SLC5A4: variants seen among roughly 807,000 people sequenced by gnomAD.
SLC5A4 encodes solute carrier family 5 member 4.
A neutral mutation model predicts 70.3 loss-of-function variants in SLC5A4; 55 were observed. The ratio of observed to expected loss-of-function variants is 0.78; its 90% CI spans 0.63 to 0.98. The LOEUF is 0.98. Among genes scored for constraint, SLC5A4 ranks in the 50% least tolerant of loss-of-function variants. The pLI is 0.00. For missense variants in SLC5A4, 735 were observed against 839.2 expected, an observed-to-expected ratio of 0.88 and a Z score of 1.53; for synonymous variants, 268 against 305.7, an observed-to-expected ratio of 0.88 and a Z score of 1.29.
Position 32,229,321 on chromosome 22 carries a change from C to T in SLC5A4, c.1153G>A (p.Val385Ile). Residue 385 changes from valine (V) to isoleucine (I), a missense_variant, in exon 11 of 15, where the codon GTC becomes ATC. Coordinates refer to ENST00000266086, the MANE Select transcript of SLC5A4 (RefSeq NM_014227.3). ...GAGCTCATGAGAGAGGCCAGCATGA[C>T]CGAAAGCATCAGGCCTCGCAGTCCT... Reference protein sequence around the residue: ...PQGLRGLMLSVMLASLMSSLT... With the variant: ...PQGLRGLMLSIMLASLMSSLT... 6.2e-7 allele frequency: 1 copy of T among 1,614,124 alleles called. No homozygotes were observed. The highest frequency in any genetic ancestry group is 8.5e-7 in the Non-Finnish European group (1 of 1,179,992).
chr22:32,255,880 C>T (rs1927456494), upstream of SLC5A4, among the ~76,000 whole-genome samples: 1 of 152,136 alleles, frequency 6.6e-6, no homozygotes. Flanking sequence ...AGTGGCTCTT[C>T]AAGCACCATA....
At chr22:32,317,219 A>G in the SLC5A4 span, among the ~76,000 whole-genome samples, 1 of 152,150 alleles carries the variant, frequency 6.6e-6, no homozygotes, top group Non-Finnish European at 1.5e-5. Flanking sequence ...TATCTAGACT[A>G]TAACAAAATA....
intron 12 of SLC5A4, among the ~76,000 whole-genome samples, chr22:32,224,925 C>A (rs1482907390): frequency 6.6e-6 from 1 of 152,116 alleles, no homozygotes; most frequent in African/African-American, 2.4e-5. Context: ...GGGGTGGAAA[C>A]ATGTGTCTGT....
chr22:32,291,876 ATCTT>A, the SLC5A4 span, among the ~76,000 whole-genome samples: 1 of 39,512 alleles, frequency 2.5e-5, no homozygotes, highest in Non-Finnish European at 5.5e-5. Flanking sequence ...TTTCTTTTCT[ATCTT>A]TTTTTTTTTG....
chr22:32,264,875 A>G, the SLC5A4 span, among the ~76,000 whole-genome samples: 1 of 152,172 alleles, frequency 6.6e-6, no homozygotes, highest in East Asian at 1.9e-4. Flanking sequence ...GCACGTTTAT[A>G]GTCTGTTGAA....
rs764507008 is a variant in SLC5A4 at position 32,221,011 on chromosome 22, C to T, written c.1677G>A (p.Leu559=). 1.2e-6 allele frequency: 2 copies of T among 1,612,748 alleles called. No homozygotes were observed. Among genetic ancestry groups the T allele is most frequent in the Non-Finnish European group, 1.7e-6 (2 of 1,178,780 alleles). Reference sequence around the variant, plus strand: ...CTGTACTGTTCCGAAGAACCCAGCACAGGCGGTACAGCTGAACAGGGACCA... The same window carrying T: ...CTGTACTGTTCCGAAGAACCCAGCATAGGCGGTACAGCTGAACAGGGACCA... ...KPIPDVHLYR[L]CWVLRNSTEE... is the part of the protein sequence containing the mutation. Residue 559 remains leucine (L), a synonymous_variant, in exon 14 of 15, where the codon CTG becomes CTA. Transcript: ENST00000266086.
the SLC5A4 span, among the ~76,000 whole-genome samples, chr22:32,288,017 C>CTTT: frequency 1.0e-5 from 1 of 96,406 alleles, no homozygotes; most frequent in African/African-American, 4.3e-5. Context: ...TTCTTTCTTT[C>CTTT]TTTTTTTTTT....
intron 11 of SLC5A4, among the ~76,000 whole-genome samples, chr22:32,227,128 A>G (rs1274385064): frequency 2.6e-5 from 4 of 152,178 alleles, no homozygotes; most frequent in Non-Finnish European, 5.9e-5. Context: ...ACAAAGGCAT[A>G]TATTCCACAA....
At chr22:32,275,505 A>T in the SLC5A4 span, among the ~76,000 whole-genome samples, 1 of 152,136 alleles carries the variant, frequency 6.6e-6, no homozygotes, top group Non-Finnish European at 1.5e-5. Flanking sequence ...GCTGAGAATG[A>T]TGGTTTCCAG....
At chr22:32,232,493 C>G (rs956695361) in intron 9 of SLC5A4, among the ~76,000 whole-genome samples, 1 of 152,096 alleles carries the variant, frequency 6.6e-6, no homozygotes, top group African/African-American at 2.4e-5. Context: ...AAAATTGATT[C>G]AGTTCTCCAG....
chr22:32,307,927 A>G, the SLC5A4 span, among the ~76,000 whole-genome samples: 3 of 132,156 alleles, frequency 2.3e-5, no homozygotes, highest in African/African-American at 8.3e-5. Context: ...GTTTGCAGGG[A>G]TTCTTACATG....
At chr22:32,313,769 G>T in the SLC5A4 span, among the ~76,000 whole-genome samples, 1 of 152,166 alleles carries the variant, frequency 6.6e-6, no homozygotes, top group African/African-American at 2.4e-5. Context: ...ACATGACCCA[G>T]TCTGGCCAAT....
the SLC5A4 span, among the ~76,000 whole-genome samples, chr22:32,301,063 A>G: frequency 6.6e-6 from 1 of 152,096 alleles, no homozygotes; most frequent in African/African-American, 2.4e-5. Flanking sequence ...CCCAGGTTCA[A>G]GCAGTTCTCC....
At chr22:32,322,585 C>CAAA in the SLC5A4 span, among the ~76,000 whole-genome samples, 247 of 139,592 alleles carry the variant, frequency 1.8e-3, 1 homozygote, top group African/African-American at 6.3e-3. Context: ...GACTCTGTCT[C>CAAA]AAAAAAAAAA....
the SLC5A4 span, chr22:32,327,078 T>C: frequency 2.6e-5 from 4 of 152,264 alleles, no homozygotes; most frequent in Non-Finnish European, 5.9e-5. Context: ...TTTAAGCTAC[T>C]GCATTTGTGA....
chr22:32,224,130 C>T, intron 13 of SLC5A4, 137 bp downstream of exon 13: 1 of 653,748 alleles, frequency 1.5e-6, no homozygotes, highest in East Asian at 2.8e-5. Flanking sequence ...CCGTGTTAAC[C>T]AGGATGGTCT....
chr22:32,277,658 C>T, the SLC5A4 span, among the ~76,000 whole-genome samples: 1 of 152,140 alleles, frequency 6.6e-6, no homozygotes, highest in Non-Finnish European at 1.5e-5. Flanking sequence ...TGCCATTCTC[C>T]TGCCTCAGCC....
the SLC5A4 span, among the ~76,000 whole-genome samples, chr22:32,280,264 C>T: frequency 2.0e-5 from 3 of 152,070 alleles, no homozygotes; most frequent in South Asian, 2.1e-4. Flanking sequence ...GATCCACCCC[C>T]CCTCAACCTC....
chr22:32,241,368 G>A (rs565113073), intron 5 of SLC5A4, among the ~76,000 whole-genome samples: 6 of 152,310 alleles, frequency 3.9e-5, no homozygotes, highest in Non-Finnish European at 7.3e-5. Context: ...CTACACCGAG[G>A]AGAAGCTTCT....
Sources: allele counts gnomAD v4.1 joint callset (sites outside exome capture counted in the v4.1 genomes callset), GRCh38; gene constraint gnomAD v4.1.1; transcripts MANE v1.5; gene names NCBI Gene and HGNC (gene_info 2026-07-23, HGNC 2026-07-21).